Variants in SIDT1 observed in about 807,000 individuals in gnomAD.
SIDT1 encodes SID1 transmembrane family, member 1.
In SIDT1, 101 loss-of-function variants were observed where a neutral mutation model predicts 107.5. The ratio of observed to expected loss-of-function variants is 0.94; its 90% confidence interval spans 0.80 to 1.11. SIDT1 has a LOEUF of 1.11. Among genes scored for constraint, SIDT1 ranks in the 50% least tolerant of loss-of-function variants. The probability of loss-of-function intolerance (pLI) is 0.00; values close to 1 mark genes in which losing one functional copy is unlikely to be tolerated. For missense variants in SIDT1, 1,076 were observed against 1,058.2 expected, an observed-to-expected ratio of 1.02 and a Z score of -0.23; for synonymous variants, 395 against 398.2, an observed-to-expected ratio of 0.99 and a Z score of 0.10.
intron 1 of SIDT1, among the ~76,000 whole-genome samples, chr3:113,537,296 A>G (rs2107567478): frequency 6.6e-6 from 1 of 152,314 alleles, no homozygotes; most frequent in East Asian, 1.9e-4. Context: ...CATCTTCATT[A>G]ATATAAACCA....
chr3:113,606,955 T>C, intron 14 of SIDT1, 86 bp from the exon 15 acceptor site: 1 of 831,146 alleles, frequency 1.2e-6, no homozygotes, highest in Non-Finnish European at 2.1e-6. Context: ...TGCATCTCCG[T>C]GAGCCCTGTC....
intron 1 of SIDT1, among the ~76,000 whole-genome samples, chr3:113,546,084 G>A (rs1939549631): frequency 6.6e-6 from 1 of 152,178 alleles, no homozygotes; most frequent in Non-Finnish European, 1.5e-5. Flanking sequence ...AAGAGCATGG[G>A]GTGGAGTACC....
intron 19 of SIDT1, among the ~76,000 whole-genome samples, chr3:113,612,706 G>A (rs1299441581): frequency 6.6e-6 from 1 of 152,208 alleles, no homozygotes; most frequent in Non-Finnish European, 1.5e-5. Flanking sequence ...TTATCAGAGA[G>A]CATTGAATGT....
chr3:113,540,975 A>C (rs978341886), intron 1 of SIDT1, among the ~76,000 whole-genome samples: 23 of 152,110 alleles, frequency 1.5e-4, no homozygotes, highest in Non-Finnish European at 3.1e-4. Flanking sequence ...ACCCTTAAAG[A>C]AAGTAATGAA....
At chr3:113,558,231 T>C (rs1461631864) in intron 1 of SIDT1, among the ~76,000 whole-genome samples, 7 of 152,242 alleles carry the variant, frequency 4.6e-5, no homozygotes. Flanking sequence ...CATCATGGCT[T>C]CTTTTTTATT....
In SIDT1 at chr3:113,619,764, A is replaced by G. The variant is rs111275644; in HGVS notation, c.2090+38A>G. 1.6e-5 allele frequency: 25 copies of G among 1,568,714 alleles called. 1 individual carries two copies. The African/African-American group carries it at 2.2e-4, about 14-fold the overall frequency. ...ATGAAAACATGTTTTTGCCTTTATT[A>G]ATGTCAGTAACACTGTGGTTTAGCT... On this transcript the variant is annotated intron_variant, in intron 21 of 24. Transcript: ENST00000264852.
In SIDT1 at chr3:113,600,047, C is replaced by T. The variant is rs138379896; in HGVS notation, c.1046-1541C>T. Among the ~76,000 whole-genome samples, 451 of 152,238 alleles carry T rather than the reference C, an allele frequency of 3.0e-3. 2 individuals are homozygous for T. The highest frequency in any genetic ancestry group is 9.0e-3 in the African/African-American group (373 of 41,540). ...TTTTTAGGCCAAGCATGGTGGCTCA[C>T]GCCTGTAATCCCAGCACTTTGAGAG... On this transcript the variant is annotated intron_variant, in intron 10 of 24. Coordinates refer to ENST00000264852, the MANE Select transcript of SIDT1 (RefSeq NM_017699.3).
At chr3:113,559,443 T>A (rs527410881) in intron 1 of SIDT1, among the ~76,000 whole-genome samples, 88 of 151,738 alleles carry the variant, frequency 5.8e-4, no homozygotes, top group African/African-American at 1.5e-3. Context: ...TTATTTTTTT[T>A]TTTTTTTATT....
At chr3:113,605,078 A>G in intron 14 of SIDT1, 102 bp downstream of exon 14, 2 of 1,197,046 alleles carry the variant, frequency 1.7e-6, no homozygotes, top group Non-Finnish European at 2.4e-6. Context: ...GGATCCATTC[A>G]GGAATTTCCC....
intron 9 of SIDT1, among the ~76,000 whole-genome samples, chr3:113,590,352 T>A (rs1430052795): frequency 6.6e-6 from 1 of 152,224 alleles, no homozygotes; most frequent in Non-Finnish European, 1.5e-5. Flanking sequence ...ACATGGGCAC[T>A]TCTGGTCCCC....
chr3:113,551,332 C>G (rs977296510), intron 1 of SIDT1, among the ~76,000 whole-genome samples: 11 of 152,154 alleles, frequency 7.2e-5, no homozygotes, highest in African/African-American at 2.4e-4. Context: ...TTCAAAGTAC[C>G]TTTTAAATCT....
intron 1 of SIDT1, among the ~76,000 whole-genome samples, chr3:113,536,154 A>G (rs901633204): frequency 6.6e-6 from 1 of 152,140 alleles, no homozygotes; most frequent in Non-Finnish European, 1.5e-5. Context: ...GTTTGTCACT[A>G]TCTTCTTGGC....
rs865858685 is a variant in SIDT1, at chr3:113,548,885, G to A, written c.222+15642G>A. ...TCTTCATTTCCTCATGAGGATGTCC[G>A]TGTCACAAAAAACTATATTAACTTT... is the stretch of plus-strand genomic sequence containing the variant. On this transcript the variant is annotated intron_variant, in intron 1 of 24. Transcript: ENST00000264852. Among the ~76,000 whole-genome samples, 61 of 152,116 alleles carry A rather than the reference G, an allele frequency of 4.0e-4. 1 individual carries two copies. Among genetic ancestry groups the A allele is most frequent in the Admixed American group, 3.4e-3 (52 of 15,266 alleles).
At chr3:113,542,186 G>A (rs557353413) in intron 1 of SIDT1, among the ~76,000 whole-genome samples, 17 of 152,124 alleles carry the variant, frequency 1.1e-4, no homozygotes, top group Non-Finnish European at 2.4e-4. Context: ...GACTCCCACA[G>A]TCTTGGGATT....
At chr3:113,585,515 A>T (rs1943680135) in intron 9 of SIDT1, among the ~76,000 whole-genome samples, 1 of 152,158 alleles carries the variant, frequency 6.6e-6, no homozygotes, top group Non-Finnish European at 1.5e-5. Context: ...TCAATAACAC[A>T]CACATAATAG....
chr3:113,537,479 T>C (rs1938307498), intron 1 of SIDT1, among the ~76,000 whole-genome samples: 1 of 152,216 alleles, frequency 6.6e-6, no homozygotes. Context: ...TGGCCTGAGT[T>C]CTCCATGTCT....
intron 9 of SIDT1, among the ~76,000 whole-genome samples, chr3:113,588,447 C>G (rs1198983709): frequency 2.6e-5 from 4 of 152,216 alleles, no homozygotes; most frequent in Admixed American, 6.5e-5. Flanking sequence ...TGATGAGTCC[C>G]TTAAACCCTA....
rs60256247 is a variant in SIDT1, at chr3:113,571,486, GCACA to G, written c.515+3797_515+3800del. Among the ~76,000 whole-genome samples, 1,273 of 148,946 alleles carry G rather than the reference GCACA, an allele frequency of 8.5e-3. 20 individuals are homozygous for G. The highest frequency in any genetic ancestry group is 0.03 in the African/African-American group (1,201 of 40,508). Reference sequence around the variant, plus strand: ...GCTTGGTGCCATCTACCTATCCTCTGCACACACACACACACACACACACATAAAC... The same window carrying G: ...GCTTGGTGCCATCTACCTATCCTCTGCACACACACACACACACACATAAAC... On this transcript the variant is annotated intron_variant, in intron 3 of 24. Transcript: ENST00000264852.
At chr3:113,603,743 TATC>T (rs1320012641) in intron 12 of SIDT1, among the ~76,000 whole-genome samples, 2 of 152,170 alleles carry the variant, frequency 1.3e-5, no homozygotes, top group Non-Finnish European at 2.9e-5. Flanking sequence ...TTTATTAAGG[TATC>T]ATGGGAAAAA....
Sources: gnomAD v4.1 joint callset for allele counts (sites outside exome capture counted in the v4.1 genomes callset) on GRCh38, gnomAD v4.1.1 for gene constraint, MANE v1.5 for transcripts, NCBI Gene and HGNC (gene_info 2026-07-23, HGNC 2026-07-21) for gene names.